Variants in EXOC1L observed in about 807,000 individuals in gnomAD.
EXOC1L encodes exocyst complex component 1-like.
A neutral mutation model predicts 4.9 loss-of-function variants in EXOC1L; 10 were observed. That is an observed-to-expected ratio of 2.02 (90% CI 1.25 to 3.43). EXOC1L has a LOEUF of 3.43. Ranked by LOEUF, EXOC1L falls within the 30% of genes most tolerant of loss-of-function variation. The pLI, the probability that EXOC1L is intolerant of heterozygous loss-of-function variation, is 0.00. For missense variants in EXOC1L, 114 were observed against 59.4 expected, an observed-to-expected ratio of 1.92 and a Z score of -3.02; for synonymous variants, 41 against 20.8, an observed-to-expected ratio of 1.97 and a Z score of -2.63.
At chr4:55,827,402 C>T (rs1015378812) in intron 1 of EXOC1L, among the ~76,000 whole-genome samples, 6 of 152,220 alleles carry the variant, frequency 3.9e-5, no homozygotes, top group East Asian at 1.9e-4. Flanking sequence ...CCTTCCTCCA[C>T]GTTCCTCAAT....
In EXOC1L at chr4:55,837,116, A is replaced by G; in HGVS notation, c.284A>G (p.Lys95Arg). 1 of 701,074 alleles carries G rather than the reference A, an allele frequency of 1.4e-6. No individual in the cohort carries two copies. The allele number at this position is 701,074 out of a possible 1,614,324, so 43.4% of individuals were successfully genotyped here. The change falls in exon 3 of 3, where the codon AAA becomes AGA. Residue 95 changes from lysine to arginine, a missense_variant. Lys to Arg is a conservative substitution (Grantham distance 26). Transcript: ENST00000636125. ...DNPFFDLHFK[K>R]VYSLEAYSCA... ...CCATTTTTTGATCTGCACTTCAAGA[A>G]AGTGTACAGTTTGGAAGCATATAGC...
chr4:55,827,862 C>T (rs767113441), intron 1 of EXOC1L, among the ~76,000 whole-genome samples: 59 of 152,140 alleles, frequency 3.9e-4, no homozygotes, highest in Non-Finnish European at 7.9e-4. Context: ...TGTGCCTCCA[C>T]TTCACCACCT....
intron 1 of EXOC1L, among the ~76,000 whole-genome samples, chr4:55,830,040 C>T (rs1274672953): frequency 1.3e-5 from 2 of 152,182 alleles, no homozygotes; most frequent in African/African-American, 4.8e-5. Context: ...GAAATGTCTG[C>T]AGTATGACCC....
intron 1 of EXOC1L, among the ~76,000 whole-genome samples, chr4:55,830,346 C>T (rs1009945069): frequency 6.6e-6 from 1 of 152,142 alleles, no homozygotes; most frequent in Admixed American, 6.5e-5. Context: ...GGCATTCGAT[C>T]CCCACCTGCC....
At chr4:55,831,867 C>T (rs1720041287) in intron 2 of EXOC1L, among the ~76,000 whole-genome samples, 1 of 152,012 alleles carries the variant, frequency 6.6e-6, no homozygotes, top group South Asian at 2.1e-4. Flanking sequence ...ACTTTATCCT[C>T]TAGAAGGATG....
intron 2 of EXOC1L, among the ~76,000 whole-genome samples, chr4:55,836,594 G>GTAAT (rs1400844958): frequency 6.6e-6 from 1 of 151,860 alleles, no homozygotes; most frequent in African/African-American, 2.4e-5. Flanking sequence ...ACCTTCAAAA[G>GTAAT]TAATTCCTTG....
rs79747925 is a variant in EXOC1L at position 55,833,054 on chromosome 4, T to C, written c.252+1590T>C. Reference sequence around the variant, plus strand: ...AAAAGTTGGTGTGTTTGACATGACTTCTTGGCAAAAGAATGCTGGATTTCA... The same window carrying C: ...AAAAGTTGGTGTGTTTGACATGACTCCTTGGCAAAAGAATGCTGGATTTCA... On this transcript the variant is annotated intron_variant, in intron 2 of 2. Coordinates refer to ENST00000636125, the MANE Select transcript of EXOC1L (RefSeq NM_001351574.3). Among the ~76,000 whole-genome samples the C allele has an allele frequency of 5.0e-4, 76 of 152,162 alleles. No individual in the cohort carries two copies. In the East Asian group the frequency reaches 0.011, roughly 22 times the overall value.
chr4:55,821,580 A>G (rs995440280), intron 1 of EXOC1L, among the ~76,000 whole-genome samples: 2 of 152,186 alleles, frequency 1.3e-5, no homozygotes, highest in Non-Finnish European at 2.9e-5. Context: ...TAATTTATAT[A>G]TCTAACTTAC....
At chr4:55,836,482 C>A (rs1386538916) in intron 2 of EXOC1L, among the ~76,000 whole-genome samples, 1 of 151,864 alleles carries the variant, frequency 6.6e-6, no homozygotes, top group Non-Finnish European at 1.5e-5. Context: ...TTGGTTTCCA[C>A]TTTTTCTTGA....
rs935216899 is a variant in EXOC1L at position 55,828,757 on chromosome 4, T to C, written c.122-2577T>C. 3.9e-5 allele frequency among the ~76,000 whole-genome samples: 6 copies of C among 152,252 alleles called. No homozygotes were observed. The South Asian group carries it at 1.2e-3, about 32-fold the overall frequency. On this transcript the variant is annotated intron_variant, in intron 1 of 2. Coordinates refer to ENST00000636125, the MANE Select transcript of EXOC1L (RefSeq NM_001351574.3). ...TACTCAGGAGGCTGAGGTGGAAGTA[T>C]GCTTGAGCCCAGGAGGTTGAGGCTG...
intron 2 of EXOC1L, among the ~76,000 whole-genome samples, chr4:55,835,194 T>A (rs1720129493): frequency 6.6e-6 from 1 of 150,940 alleles, no homozygotes; most frequent in Non-Finnish European, 1.5e-5. Flanking sequence ...TTCCATGATA[T>A]ATATATTATA....
At chr4:55,824,273 TCACACACACACA>T (rs747727307) in intron 1 of EXOC1L, among the ~76,000 whole-genome samples, 1 of 147,178 alleles carries the variant, frequency 6.8e-6, no homozygotes, top group Non-Finnish European at 1.5e-5. Flanking sequence ...TCTCTCTCTC[TCACACACACACA>T]CACACACACA....
intron 2 of EXOC1L, among the ~76,000 whole-genome samples, chr4:55,835,929 G>A (rs959047887): frequency 4.0e-5 from 6 of 151,692 alleles, no homozygotes; most frequent in East Asian, 1.9e-4. Context: ...TAAGCTCCAC[G>A]CTCGTTTACA....
chr4:55,820,216 T>TG, intron 1 of EXOC1L, 69 bp downstream of exon 1: 1 of 195,354 alleles, frequency 5.1e-6, no homozygotes, highest in Non-Finnish European at 1.0e-5. Context: ...ATAGAGGGAA[T>TG]TTTTTTTTTT....
chr4:55,831,338 C>A lies in EXOC1L; in HGVS notation c.126C>A (p.Thr42=). Residue 42 remains threonine (T), a synonymous_variant, in exon 2 of 3, where the codon ACC becomes ACA. Coordinates refer to ENST00000636125, the MANE Select transcript of EXOC1L (RefSeq NM_001351574.3). ...AAGTATTTTTCTGTCCTACAGTGAC[C>A]AAAAAGGAAGAAGTAAAAATAGTCA... is the stretch of plus-strand genomic sequence containing the variant. ...QDRYYLCVSV[T]KKEEVKIVMV... The A allele has an allele frequency of 1.6e-6, 1 of 641,916 alleles. No individual in the cohort carries two copies. The highest frequency in any genetic ancestry group is 2.8e-6 in the Non-Finnish European group (1 of 359,620). The allele number at this position is 641,916 out of a possible 1,614,324, so 39.8% of individuals were successfully genotyped here.
At chr4:55,832,111 C>G (rs1431252510) in intron 2 of EXOC1L, among the ~76,000 whole-genome samples, 2 of 152,022 alleles carry the variant, frequency 1.3e-5, no homozygotes, top group Non-Finnish European at 2.9e-5. Flanking sequence ...GTCCTATTGA[C>G]TCTCTGCCCT....
chr4:55,835,521 A>AT (rs1274415435), intron 2 of EXOC1L, among the ~76,000 whole-genome samples: 2 of 151,588 alleles, frequency 1.3e-5, no homozygotes, highest in Admixed American at 6.6e-5. Flanking sequence ...AACATCTACT[A>AT]TTTTTTGATT....
chr4:55,837,229 T>C lies in EXOC1L; in HGVS notation c.397T>C (p.Ser133Pro). 1.4e-6 allele frequency: 1 copy of C among 701,922 alleles called. No individual in the cohort carries two copies. Among genetic ancestry groups the C allele is most frequent in the Non-Finnish European group, 2.6e-6 (1 of 384,284 alleles). The allele number at this position is 701,922 out of a possible 1,614,324, so 43.5% of individuals were successfully genotyped here. A position where few individuals can be genotyped will look rare whatever the true frequency, so the allele number is the denominator to read the frequency against. The stretch of plus-strand genomic sequence containing the variant: ...GGACTTACAGATCGTGAACTTTGAT[T>C]CTACATACATTAACGATGATTCCAT... Reference protein sequence around the residue: ...KKDLQIVNFDSTYINDDSIWS... With the variant: ...KKDLQIVNFDPTYINDDSIWS... Residue 133 changes from serine to proline, a missense_variant, in exon 3 of 3, where the codon TCT (serine) becomes CCT (proline). Ser to Pro is a moderately conservative substitution (Grantham distance 74). Coordinates refer to ENST00000636125, the MANE Select transcript of EXOC1L (RefSeq NM_001351574.3).
At chr4:55,823,691 TTTTG>T (rs201549199) in intron 1 of EXOC1L, among the ~76,000 whole-genome samples, 113 of 137,178 alleles carry the variant, frequency 8.2e-4, no homozygotes, top group African/African-American at 2.5e-3. Flanking sequence ...CAAGGCTGTT[TTTTG>T]TTTGTTTGTT....
Sources: allele counts gnomAD v4.1 joint callset (sites outside exome capture counted in the v4.1 genomes callset), GRCh38; gene constraint gnomAD v4.1.1; transcripts MANE v1.5; gene names NCBI Gene and HGNC (gene_info 2026-07-23, HGNC 2026-07-21).